Variants in MARK4 observed in about 807,000 individuals in gnomAD.
MARK4 encodes the protein MAP/microtubule affinity-regulating kinase 4.
MARK4 carries 19 observed loss-of-function variants against 81.5 expected under a neutral mutation model. The observed-to-expected ratio is 0.23, with a 90% confidence interval of 0.16 to 0.34. MARK4 has a LOEUF of 0.34. Ranked by LOEUF, MARK4 falls within the 10% of genes least tolerant of loss-of-function variation. The pLI is 1.00. For missense variants in MARK4, 772 were observed against 1,058.8 expected (o/e 0.73, Z 3.76); for synonymous variants, 436 against 439.0 (o/e 0.99, Z 0.08).
At chr19:45,291,154 A>C (rs1200150097) in intron 13 of MARK4, among the ~76,000 whole-genome samples, 1 of 152,180 alleles carries the variant, frequency 6.6e-6, no homozygotes, top group East Asian at 1.9e-4. Context: ...TCCACAACCC[A>C]GAGAATGGAT....
At chr19:45,253,727 A>T (rs1043055279) in intron 1 of MARK4, among the ~76,000 whole-genome samples, 2 of 152,110 alleles carry the variant, frequency 1.3e-5, no homozygotes, top group Non-Finnish European at 2.9e-5. Flanking sequence ...GGAGCCAGCG[A>T]CGTGATGTGA....
At chr19:45,259,956 A>G (rs545639398) in intron 2 of MARK4, among the ~76,000 whole-genome samples, 2 of 151,804 alleles carry the variant, frequency 1.3e-5, no homozygotes, top group African/African-American at 4.8e-5. Context: ...GCGTGGTGGC[A>G]CATGCCTATA....
chr19:45,255,074 C>T (rs993646853), intron 1 of MARK4, among the ~76,000 whole-genome samples: 1 of 152,064 alleles, frequency 6.6e-6, no homozygotes, highest in Non-Finnish European at 1.5e-5. Flanking sequence ...TGGTGGTGCA[C>T]TCCTGTGGTC....
At chr19:45,253,107 G>A (rs1970264902) in intron 1 of MARK4, among the ~76,000 whole-genome samples, 1 of 151,892 alleles carries the variant, frequency 6.6e-6, no homozygotes, top group African/African-American at 2.4e-5. Flanking sequence ...TCCCCACCTG[G>A]GATCTTTGTG....
chr19:45,291,511 G>A (rs74536735), intron 13 of MARK4, among the ~76,000 whole-genome samples: 1,724 of 152,332 alleles, frequency 0.011, 18 homozygotes, highest in Non-Finnish European at 0.02. Context: ...GGCCAGGCGC[G>A]GTGGCTTACG....
rs754507921 is a variant in MARK4 at position 45,259,088 on chromosome 19, G to A, written c.151G>A (p.Glu51Lys). Residue 51 changes from glutamate (E) to lysine (K), a missense_variant, in exon 2 of 17, where the codon GAG becomes AAG. Coordinates refer to ENST00000262891, the MANE Select transcript of MARK4 (RefSeq NM_001199867.2). ...CCGGAACTCCATCGCCTCCTGTCCCGAGGAGCAGCCCCACGTGGGCAACTA... is the reference window on the plus strand; with the variant it reads ...CCGGAACTCCATCGCCTCCTGTCCCAAGGAGCAGCCCCACGTGGGCAACTA... ...RCRNSIASCP[E>K]EQPHVGNYRL... is the part of the protein sequence containing the mutation. 1.9e-6 allele frequency: 3 copies of A among 1,614,126 alleles called. No individual in the cohort carries two copies. The highest frequency in any genetic ancestry group is 2.2e-5 in the East Asian group (1 of 44,882).
rs200336993 is a variant in MARK4 at position 45,263,366 on chromosome 19, C to A, written c.354C>A (p.Ile118=). ...RIMKGLNHPN[I]VKLFEVIETE... Reference sequence around the variant, plus strand: ...TGAAGGGCCTAAACCACCCCAACATCGGTGAGGAGGGAATGGGAGCAGGGG... The same window carrying A: ...TGAAGGGCCTAAACCACCCCAACATAGGTGAGGAGGGAATGGGAGCAGGGG... The change falls in exon 4 of 17, where the codon ATC becomes ATA. Residue 118 remains isoleucine, a splice_region_variant and synonymous_variant. Coordinates refer to ENST00000262891, the MANE Select transcript of MARK4 (RefSeq NM_001199867.2). The A allele has an allele frequency of 6.2e-7, 1 of 1,614,122 alleles. No homozygotes were observed. The highest frequency in any genetic ancestry group is 1.7e-5 in the Admixed American group (1 of 60,004).
Position 45,280,628 on chromosome 19 carries a change from C to T in MARK4, c.1170C>T (p.Pro390=). 6.2e-7 allele frequency: 1 copy of T among 1,614,104 alleles called. No homozygotes were observed. The highest frequency in any genetic ancestry group is 2.2e-5 in the East Asian group (1 of 44,876). The change falls in exon 12 of 17, where the codon CCC becomes CCT. Residue 390 remains proline, a synonymous_variant. Coordinates refer to ENST00000262891, the MANE Select transcript of MARK4 (RefSeq NM_001199867.2). The stretch of plus-strand genomic sequence containing the variant: ...TGGCCCTGGCACGGGTGCGGGCGCC[C>T]AGCGACACCACCAACGGAACAAGTT... ...PGLALARVRA[P]SDTTNGTSSS... is the part of the protein sequence containing the mutation.
rs537865224 is a variant in MARK4, at chr19:45,293,172, G to A, written c.1495-1177G>A. ...TAATCCCAGCTACTCGGGAGACTAA[G>A]GCAGGTTCACTTGAATCTGGGAGGT... On this transcript the variant is annotated intron_variant, in intron 13 of 16. Transcript: ENST00000262891. 2.0e-5 allele frequency among the ~76,000 whole-genome samples: 3 copies of A among 152,048 alleles called. No homozygotes were observed. In the South Asian group the frequency reaches 6.2e-4, roughly 32 times the overall value.
intron 7 of MARK4, among the ~76,000 whole-genome samples, chr19:45,266,967 T>C (rs994752233): frequency 1.3e-5 from 2 of 151,844 alleles, no homozygotes; most frequent in African/African-American, 2.4e-5. Flanking sequence ...CTCCTGACCT[T>C]GTGATCCGCC....
intron 9 of MARK4, among the ~76,000 whole-genome samples, chr19:45,278,278 T>C (rs1315941145): frequency 6.6e-6 from 1 of 151,988 alleles, no homozygotes; most frequent in African/African-American, 2.4e-5. Context: ...AATTAGCTAA[T>C]GAGCTCCTAG....
At chr19:45,276,894 C>A (rs1464154556) in intron 8 of MARK4, among the ~76,000 whole-genome samples, 1 of 151,570 alleles carries the variant, frequency 6.6e-6, no homozygotes, top group Admixed American at 6.6e-5. Flanking sequence ...CTCACCCTCC[C>A]AAAGTGCTGG....
chr19:45,278,076 C>T lies in MARK4; in HGVS notation c.906+34C>T, dbSNP rs769612516. ...AGCCTCACAGCCAGCGGGAGCCCTT[C>T]TAGTCTCCTGACTCCCCTAAACTCT... is the stretch of plus-strand genomic sequence containing the variant. On this transcript the variant is annotated intron_variant, in intron 9 of 16. Transcript: ENST00000262891. The T allele has an allele frequency of 5.6e-6, 9 of 1,610,208 alleles. No individual in the cohort carries two copies. The South Asian group carries it at 9.9e-5, about 18-fold the overall frequency.
intron 14 of MARK4, among the ~76,000 whole-genome samples, chr19:45,296,281 T>C (rs995367367): frequency 2.0e-5 from 3 of 152,156 alleles, no homozygotes; most frequent in Non-Finnish European, 4.4e-5. Context: ...CTCAGCTAGC[T>C]GCTGTAATAA....
In MARK4 at chr19:45,266,341, GC is replaced by G. The variant is rs980930797; in HGVS notation, c.549+65del. 8.5e-6 allele frequency: 13 copies of G among 1,529,610 alleles called. No individual in the cohort carries two copies. In the African/African-American group the frequency reaches 1.8e-4, roughly 21 times the overall value. The allele number at this position is 1,529,610 out of a possible 1,614,324, so 94.8% of individuals were successfully genotyped here. A position where few individuals can be genotyped will look rare whatever the true frequency, so the allele number is the denominator to read the frequency against. On this transcript the variant is annotated intron_variant, in intron 7 of 16. Transcript: ENST00000262891. Reference sequence around the variant, plus strand: ...CGGCTCAGCCCACAGACTTCTCCCTGCCCCCACCCCTCCATGGTTTCCGTGG... The same window carrying G: ...CGGCTCAGCCCACAGACTTCTCCCTGCCCCACCCCTCCATGGTTTCCGTGG...
chr19:45,294,911 G>A (rs1970866743), intron 14 of MARK4, among the ~76,000 whole-genome samples: 1 of 152,146 alleles, frequency 6.6e-6, no homozygotes, highest in South Asian at 2.1e-4. Flanking sequence ...AGCTAGAATG[G>A]GGCCAGCTCC....
At chr19:45,257,687 ATATTTTTT>A (rs1970326217) in intron 1 of MARK4, among the ~76,000 whole-genome samples, 1 of 79,158 alleles carries the variant, frequency 1.3e-5, no homozygotes, top group Admixed American at 1.2e-4. Flanking sequence ...CTGGCCCATA[ATATTTTTT>A]TTTTTTTTTT....
At chr19:45,284,427 A>G (rs1402306890) in intron 12 of MARK4, among the ~76,000 whole-genome samples, 1 of 150,700 alleles carries the variant, frequency 6.6e-6, no homozygotes. Flanking sequence ...GGTTCATGCC[A>G]TTCTCCTGCC....
chr19:45,278,681 G>T, intron 10 of MARK4, 66 bp downstream of exon 10: 2 of 1,171,586 alleles, frequency 1.7e-6, no homozygotes, highest in Non-Finnish European at 2.5e-6. Context: ...TCGGCTCACT[G>T]CAACCTCCGC....
Sources: gnomAD v4.1 joint callset for allele counts (sites outside exome capture counted in the v4.1 genomes callset) on GRCh38, gnomAD v4.1.1 for gene constraint, MANE v1.5 for transcripts, NCBI Gene and HGNC (gene_info 2026-07-23, HGNC 2026-07-21) for gene names.